Variants in FAT3 observed in about 807,000 individuals in gnomAD.
The protein encoded by FAT3 is FAT atypical cadherin 3.
A neutral mutation model predicts 310.2 loss-of-function variants in FAT3; 95 were observed. The ratio of observed to expected loss-of-function variants is 0.31; its 90% CI spans 0.26 to 0.36. The LOEUF (loss-of-function observed/expected upper bound fraction) is 0.36, where lower values mean the gene tolerates loss of function less well. FAT3 is among the 10% of genes least tolerant of loss of function. FAT3 has a pLI of 1.00. For missense variants in FAT3, 5,408 were observed against 5,715.6 expected (o/e 0.95, Z 1.74); for synonymous variants, 2,314 against 2,192.9 (o/e 1.06, Z -1.54).
intron 3 of FAT3, among the ~76,000 whole-genome samples, chr11:92,553,043 GA>G (rs1233006458): frequency 4.0e-5 from 6 of 151,374 alleles, no homozygotes; most frequent in Non-Finnish European, 8.8e-5. Context: ...GAGACAGAAA[GA>G]AAAAAAAGAA....
At chr11:92,415,023 AT>A (rs1044550186) in intron 2 of FAT3, among the ~76,000 whole-genome samples, 6 of 145,144 alleles carry the variant, frequency 4.1e-5, no homozygotes, top group Admixed American at 6.9e-5. Context: ...AAAAAAAAAA[AT>A]TCTGAAGAAT....
At chr11:92,639,133 T>C (rs181204873) in intron 3 of FAT3, among the ~76,000 whole-genome samples, 43 of 152,312 alleles carry the variant, frequency 2.8e-4, no homozygotes, top group Non-Finnish European at 1.6e-4. Context: ...CCAAATCTTC[T>C]CTTGGTCAGG....
chr11:92,792,564 G>T (rs932731884), intron 8 of FAT3, among the ~76,000 whole-genome samples: 7 of 152,114 alleles, frequency 4.6e-5, no homozygotes, highest in African/African-American at 1.7e-4. Flanking sequence ...AGCAGTAAAG[G>T]TGTTGTAAAC....
intron 1 of FAT3, among the ~76,000 whole-genome samples, chr11:92,226,959 CTT>C: frequency 6.6e-6 from 1 of 152,180 alleles, no homozygotes; most frequent in Non-Finnish European, 1.5e-5. Flanking sequence ...TTGGATCCCA[CTT>C]CCATTTACAA....
At chr11:92,444,425 T>C (rs2135091906) in intron 2 of FAT3, among the ~76,000 whole-genome samples, 1 of 152,276 alleles carries the variant, frequency 6.6e-6, no homozygotes, top group East Asian at 1.9e-4. Flanking sequence ...AATGTGCAAG[T>C]GCTAAACAGT....
At chr11:92,238,068 A>G (rs1864507495) in intron 1 of FAT3, among the ~76,000 whole-genome samples, 1 of 152,224 alleles carries the variant, frequency 6.6e-6, no homozygotes, top group Non-Finnish European at 1.5e-5. Context: ...ATAGGCCTTA[A>G]TTGGCAGGGT....
chr11:92,800,947 T>A lies in FAT3; in HGVS notation c.7934T>A (p.Val2645Asp), dbSNP rs768150016. ...ITYSLYSEASVSVADLLEIDP... is the reference protein window; with the variant it reads ...ITYSLYSEASDSVADLLEIDP... ...TATTCCCTCTATAGCGAGGCCTCTG[T>A]TTCAGTGGCCGACCTCCTGGAAATC... Residue 2645 changes from valine (V) to aspartate (D), a missense_variant, in exon 10 of 28, where the codon GTT becomes GAT. By Grantham distance (152) the Val-to-Asp change is radical. Transcript: ENST00000525166. 1.2e-6 allele frequency: 2 copies of A among 1,613,018 alleles called. No individual in the cohort carries two copies. Among genetic ancestry groups the A allele is most frequent in the Admixed American group, 3.3e-5 (2 of 59,902 alleles).
chr11:92,666,100 T>C (rs965585809), intron 3 of FAT3, among the ~76,000 whole-genome samples: 8 of 152,182 alleles, frequency 5.3e-5, no homozygotes, highest in African/African-American at 1.7e-4. Flanking sequence ...ACCTTAACCA[T>C]CTCACTTGAT....
rs772826602 is a variant in FAT3, at chr11:92,809,929, T to A, written c.9334T>A (p.Phe3112Ile). ...MAKATDGGGR[F>I]CQSNIHLILE... ...CAAGGCCACTGACGGGGGTGGCAGG[T>A]TCTGCCAGTCCAACATCCACCTAAT... The change falls in exon 13 of 28, where the codon TTC becomes ATC. Residue 3112 changes from phenylalanine to isoleucine, a missense_variant. This residue lies in a region of FAT3 where 4,588 missense variants were observed against 4,809.8 expected (regional missense o/e 0.95). Coordinates refer to ENST00000525166, the MANE Select transcript of FAT3 (RefSeq NM_001367949.2). 1.9e-6 allele frequency: 3 copies of A among 1,613,982 alleles called. No individual in the cohort carries two copies. The highest frequency in any genetic ancestry group is 2.5e-6 in the Non-Finnish European group (3 of 1,179,856).
intron 1 of FAT3, among the ~76,000 whole-genome samples, chr11:92,266,825 G>T (rs771222770): frequency 2.0e-5 from 3 of 152,046 alleles, no homozygotes; most frequent in Admixed American, 6.6e-5. Flanking sequence ...TTGGTTCTTG[G>T]GTGCCTTTTC....
intron 2 of FAT3, among the ~76,000 whole-genome samples, chr11:92,459,714 A>C (rs974353614): frequency 1.3e-5 from 2 of 152,066 alleles, no homozygotes; most frequent in African/African-American, 4.8e-5. Flanking sequence ...GGGTAGTGCA[A>C]ATGCCTCAAT....
chr11:92,664,773 T>G (rs190391763), intron 3 of FAT3, among the ~76,000 whole-genome samples: 23 of 152,340 alleles, frequency 1.5e-4, no homozygotes, highest in Admixed American at 1.4e-3. Flanking sequence ...ATCTTTCTTA[T>G]GCAATATAGT....
chr11:92,786,812 C>A (rs925747663), intron 7 of FAT3, among the ~76,000 whole-genome samples: 1 of 152,168 alleles, frequency 6.6e-6, no homozygotes, highest in Admixed American at 6.6e-5. Flanking sequence ...CTCTTCCTTG[C>A]ACACTGTTTC....
intron 1 of FAT3, among the ~76,000 whole-genome samples, chr11:92,329,979 C>G (rs1278759781): frequency 6.6e-6 from 1 of 151,900 alleles, no homozygotes; most frequent in Non-Finnish European, 1.5e-5. Flanking sequence ...CATTAGAAAT[C>G]AGGCAAGTTT....
chr11:92,577,821 A>G (rs1254992028), intron 3 of FAT3, among the ~76,000 whole-genome samples: 1 of 151,866 alleles, frequency 6.6e-6, no homozygotes, highest in Non-Finnish European at 1.5e-5. Flanking sequence ...GTGATATGCA[A>G]TTTTTTTCTT....
At chr11:92,286,259 T>C (rs939676558) in intron 1 of FAT3, among the ~76,000 whole-genome samples, 4 of 152,138 alleles carry the variant, frequency 2.6e-5, no homozygotes, top group African/African-American at 9.7e-5. Flanking sequence ...AGGGTTCAAG[T>C]CTTTTCTATC....
At chr11:92,389,580 G>A (rs1269513274) in intron 2 of FAT3, among the ~76,000 whole-genome samples, 1 of 152,208 alleles carries the variant, frequency 6.6e-6, no homozygotes, top group African/African-American at 2.4e-5. Context: ...AGGCAGAACG[G>A]ACCTAGTTGC....
intron 2 of FAT3, among the ~76,000 whole-genome samples, chr11:92,368,859 CATAT>C (rs201552753): frequency 0.049 from 5,822 of 119,388 alleles, 156 homozygotes; most frequent in Middle Eastern, 0.076. Context: ...CACACATACA[CATAT>C]ATATATACAC....
Position 92,866,795 on chromosome 11 carries a change from T to C in FAT3, c.11713T>C (p.Leu3905=). ...QLDCGSGPGI[L]GISGRAVNDG... ...GGACTGCGGCAGCGGCCCTGGAATC[T>C]TGGGCATCTCGGGCCGTGCTGTCAA... is the stretch of plus-strand genomic sequence containing the variant. The change falls in exon 22 of 28, where the codon TTG becomes CTG. Residue 3905 remains leucine, a synonymous_variant. Transcript: ENST00000525166. 6.2e-7 allele frequency: 1 copy of C among 1,613,904 alleles called. No homozygotes were observed. Among genetic ancestry groups the C allele is most frequent in the Non-Finnish European group, 8.5e-7 (1 of 1,179,868 alleles).
Sources: gnomAD v4.1 joint callset for allele counts (sites outside exome capture counted in the v4.1 genomes callset) on GRCh38, gnomAD v4.1.1 for gene constraint, gnomAD v4.1.1 regional missense constraint, MANE v1.5 for transcripts, NCBI Gene and HGNC (gene_info 2026-07-23, HGNC 2026-07-21) for gene names.